SAMD12: variants seen among roughly 807,000 people sequenced by gnomAD.
The protein encoded by SAMD12 is sterile alpha motif domain containing 12.
SAMD12 carries 9 observed loss-of-function variants against 15.0 expected under a neutral mutation model. The ratio of observed to expected loss-of-function variants is 0.60; its 90% CI spans 0.36 to 1.05. SAMD12 has a LOEUF of 1.05. Among genes scored for constraint, SAMD12 ranks in the 50% least tolerant of loss-of-function variants. The probability of loss-of-function intolerance (pLI) is 0.01; values close to 1 mark genes in which losing one functional copy is unlikely to be tolerated. For missense variants in SAMD12, 230 were observed against 234.2 expected (o/e 0.98, Z 0.12); for synonymous variants, 86 against 90.1 (o/e 0.96, Z 0.25).
intron 1 of SAMD12, among the ~76,000 whole-genome samples, chr8:118,596,093 T>A (rs1827716899): frequency 6.6e-6 from 1 of 152,206 alleles, no homozygotes; most frequent in Non-Finnish European, 1.5e-5. Flanking sequence ...AGGATTGTTG[T>A]TGAACAACCG....
At chr8:118,610,910 G>A in intron 1 of SAMD12, among the ~76,000 whole-genome samples, 1 of 152,154 alleles carries the variant, frequency 6.6e-6, no homozygotes. Context: ...CCCTAGATCA[G>A]TCAGGGTCTC....
chr8:118,268,126 T>C (rs1813254072), intron 4 of SAMD12, among the ~76,000 whole-genome samples: 1 of 151,850 alleles, frequency 6.6e-6, no homozygotes, highest in African/African-American at 2.4e-5. Flanking sequence ...TCCTACAACA[T>C]CCCTCCTTCT....
chr8:118,349,762 C>T (rs369564723), intron 4 of SAMD12, among the ~76,000 whole-genome samples: 3 of 152,208 alleles, frequency 2.0e-5, no homozygotes, highest in Admixed American at 6.5e-5. Flanking sequence ...CATCAAAGCT[C>T]GTTTCCTCCC....
At chr8:118,560,836 C>T (rs907486085) in intron 2 of SAMD12, among the ~76,000 whole-genome samples, 1 of 152,050 alleles carries the variant, frequency 6.6e-6, no homozygotes, top group Non-Finnish European at 1.5e-5. Context: ...GGAAAGACTG[C>T]ATTATCTGTT....
At chr8:118,199,946 T>C (rs899388584) in intron 4 of SAMD12, among the ~76,000 whole-genome samples, 4 of 152,206 alleles carry the variant, frequency 2.6e-5, no homozygotes, top group African/African-American at 9.6e-5. Context: ...GCAGCTCCCA[T>C]AATTCCCACG....
chr8:118,292,383 G>A (rs2325945), intron 4 of SAMD12, among the ~76,000 whole-genome samples: 19,702 of 76,776 alleles, frequency 0.26, 1,686 homozygotes, highest in East Asian at 0.47. Flanking sequence ...CACATATTCC[G>A]GAGACCTTGG....
chr8:118,272,791 C>T (rs1048805552), intron 4 of SAMD12, among the ~76,000 whole-genome samples: 36 of 152,190 alleles, frequency 2.4e-4, no homozygotes, highest in Non-Finnish European at 1.6e-4. Flanking sequence ...GAGACCATCT[C>T]AGCCTGGAAT....
At chr8:118,311,991 C>G (rs975575434) in intron 4 of SAMD12, among the ~76,000 whole-genome samples, 3 of 152,150 alleles carry the variant, frequency 2.0e-5, no homozygotes, top group African/African-American at 7.2e-5. Flanking sequence ...TCTTTACTAC[C>G]ATCCTGTGAT....
chr8:118,299,393 G>C (rs1356284609), intron 4 of SAMD12, among the ~76,000 whole-genome samples: 1 of 152,144 alleles, frequency 6.6e-6, no homozygotes, highest in African/African-American at 2.4e-5. Context: ...TATCTGGCAG[G>C]CTCTCTGCTC....
chr8:118,168,807 C>T, the SAMD12 span, among the ~76,000 whole-genome samples: 7,365 of 151,906 alleles, frequency 0.048, 594 homozygotes, highest in African/African-American at 0.17. Flanking sequence ...CAATTGCATA[C>T]GAGTTGTGGA....
intron 2 of SAMD12, among the ~76,000 whole-genome samples, chr8:118,491,396 A>G (rs942920231): frequency 6.6e-6 from 1 of 152,148 alleles, no homozygotes; most frequent in Non-Finnish European, 1.5e-5. Flanking sequence ...TTTCTTACCC[A>G]TTCAACTAAA....
the SAMD12 span, among the ~76,000 whole-genome samples, chr8:118,178,590 C>T: frequency 3.3e-5 from 5 of 152,040 alleles, no homozygotes; most frequent in African/African-American, 9.7e-5. Context: ...CTCAGCCTCC[C>T]GAGTAGCTGG....
chr8:118,207,856 A>G (rs532712816), intron 4 of SAMD12, among the ~76,000 whole-genome samples: 1 of 152,190 alleles, frequency 6.6e-6, no homozygotes, highest in Admixed American at 6.5e-5. Flanking sequence ...AAATCTCCAG[A>G]TCCTGCAGCT....
At chr8:118,534,707 T>C (rs7004903) in intron 2 of SAMD12, among the ~76,000 whole-genome samples, 105,244 of 152,118 alleles carry the variant, frequency 0.69, 37,679 homozygotes, top group African/African-American at 0.89. Flanking sequence ...CTTCAATCAC[T>C]GATACCCTGT....
chr8:118,419,197 G>A (rs1386538713), intron 3 of SAMD12, among the ~76,000 whole-genome samples: 1 of 151,496 alleles, frequency 6.6e-6, no homozygotes, highest in South Asian at 2.1e-4. Flanking sequence ...CCTTGAACTG[G>A]AAGCAGAAAA....
chr8:118,480,796 G>A (rs1563885957), intron 2 of SAMD12, among the ~76,000 whole-genome samples: 1 of 152,156 alleles, frequency 6.6e-6, no homozygotes, highest in Non-Finnish European at 1.5e-5. Flanking sequence ...CTCTGGACTT[G>A]GCTCCAGCGG....
intron 2 of SAMD12, among the ~76,000 whole-genome samples, chr8:118,555,868 G>C (rs1227050083): frequency 6.6e-6 from 1 of 152,116 alleles, no homozygotes. Flanking sequence ...GTAAAATTGG[G>C]TAATAGTTAC....
intron 4 of SAMD12, among the ~76,000 whole-genome samples, chr8:118,239,137 T>C (rs1032525498): frequency 1.3e-5 from 2 of 152,084 alleles, no homozygotes; most frequent in African/African-American, 2.4e-5. Context: ...ATGATGATGA[T>C]GATAATGGTA....
intron 4 of SAMD12, among the ~76,000 whole-genome samples, chr8:118,348,190 C>T (rs1817764340): frequency 1.3e-5 from 2 of 152,146 alleles, no homozygotes; most frequent in East Asian, 1.9e-4. Flanking sequence ...GATCCTCCCA[C>T]CTCAGCCTCC....
Sources: gnomAD v4.1 joint callset for allele counts (sites outside exome capture counted in the v4.1 genomes callset) on GRCh38, gnomAD v4.1.1 for gene constraint, MANE v1.5 for transcripts, NCBI Gene and HGNC (gene_info 2026-07-23, HGNC 2026-07-21) for gene names.